The following WDR27 variants were observed in gnomAD, a reference collection of about 807,000 sequenced individuals.
The protein encoded by WDR27 is WD repeat domain 27, also known as WD repeat-containing protein 27.
In WDR27, 100 loss-of-function variants were observed where a neutral mutation model predicts 114.4. The observed-to-expected ratio is 0.87, with a 90% CI of 0.74 to 1.03. WDR27 has a LOEUF of 1.03. Ranked by LOEUF, WDR27 falls within the 50% of genes least tolerant of loss-of-function variation. The pLI is 0.00. For synonymous variants in WDR27, 449 were observed against 423.1 expected (o/e 1.06, Z -0.75); for missense variants, 1,129 against 1,092.9 (o/e 1.03, Z -0.47).
chr6:169,700,782 C>A (rs955128442), intron 1 of WDR27, among the ~76,000 whole-genome samples: 15 of 152,138 alleles, frequency 9.9e-5, no homozygotes, highest in South Asian at 2.1e-4. Flanking sequence ...AAAAGCAATA[C>A]AATACAAAAC....
chr6:169,439,481 T>A, the WDR27 span, among the ~76,000 whole-genome samples: 1 of 152,158 alleles, frequency 6.6e-6, no homozygotes, highest in African/African-American at 2.4e-5. Context: ...AGTACAGATG[T>A]CTAGTAACTT....
At chr6:169,655,569 T>C (rs1412516113) in intron 13 of WDR27, among the ~76,000 whole-genome samples, 1 of 152,066 alleles carries the variant, frequency 6.6e-6, no homozygotes, top group Non-Finnish European at 1.5e-5. Context: ...GAAAGAATAT[T>C]ACTCTACATA....
At chr6:169,455,084 C>T (rs74480966), downstream of WDR27, among the ~76,000 whole-genome samples, 206 of 152,338 alleles carry the variant, frequency 1.4e-3, 3 homozygotes, top group East Asian at 0.032. Flanking sequence ...TGAGCCCTCC[C>T]GGACACCCTG....
chr6:169,618,397 G>A (rs1378279031), intron 21 of WDR27, among the ~76,000 whole-genome samples: 4 of 151,946 alleles, frequency 2.6e-5, no homozygotes, highest in African/African-American at 9.7e-5. Flanking sequence ...GGACTTTAAG[G>A]ATATCAATAA....
At chr6:169,543,740 C>T (rs893250975) in intron 25 of WDR27, among the ~76,000 whole-genome samples, 1 of 151,996 alleles carries the variant, frequency 6.6e-6, no homozygotes, top group African/African-American at 2.4e-5. Flanking sequence ...AATACTACTT[C>T]AAAACATGAT....
chr6:169,516,784 C>T (rs1315979144), intron 25 of WDR27, among the ~76,000 whole-genome samples: 4 of 141,708 alleles, frequency 2.8e-5, no homozygotes, highest in African/African-American at 8.2e-5. Context: ...TAAAGGCATG[C>T]TCCAACACAC....
chr6:169,627,633 C>T (rs748310642), intron 21 of WDR27, among the ~76,000 whole-genome samples: 6 of 152,160 alleles, frequency 3.9e-5, no homozygotes, highest in African/African-American at 7.2e-5. Flanking sequence ...GTGCTGTGCA[C>T]GGGGAGCCTC....
rs10718481 is a variant in WDR27 at position 169,529,312 on chromosome 6, C to CGGGGG, written c.2645+43102_2645+43106dup. Among the ~76,000 whole-genome samples the CGGGGG allele has an allele frequency of 9.5e-5, 11 of 115,246 alleles. No homozygotes were observed. In the East Asian group the frequency reaches 2.9e-3, roughly 30 times the overall value. 75.6% of individuals were successfully genotyped at this position (115,246 alleles called of 152,430 possible). On this transcript the variant is annotated intron_variant, in intron 25 of 25. Transcript: ENST00000448612. ...AGCACGTTAACGGTGGTGACCTCTG[C>CGGGGG]GGGGGGGGGGGGCAGCTAATGCTAA... is the stretch of plus-strand genomic sequence containing the variant.
At chr6:169,658,236 C>A in intron 13 of WDR27, 40 bp downstream of exon 13, 1 of 1,509,992 alleles carries the variant, frequency 6.6e-7, no homozygotes, top group South Asian at 1.2e-5. Context: ...GAGAACGCAT[C>A]AGCCTTGTAT....
At chr6:169,639,603 G>C (rs1364965866) in intron 17 of WDR27, among the ~76,000 whole-genome samples, 1 of 152,180 alleles carries the variant, frequency 6.6e-6, no homozygotes, top group Non-Finnish European at 1.5e-5. Context: ...CTGGTCTTCA[G>C]GTGTCTGAAT....
chr6:169,594,900 G>T (rs1161287584), intron 23 of WDR27, among the ~76,000 whole-genome samples: 7 of 152,134 alleles, frequency 4.6e-5, no homozygotes, highest in Admixed American at 4.6e-4. Flanking sequence ...TATGAGCCAG[G>T]CATGGTGGCT....
intron 17 of WDR27, 129 bp from the exon 18 acceptor site, chr6:169,638,789 G>A: frequency 8.5e-7 from 1 of 1,170,380 alleles, no homozygotes; most frequent in Non-Finnish European, 1.2e-6. Flanking sequence ...GGGCGCGCCA[G>A]GAGGCTTCTC....
At chr6:169,588,984 T>C (rs993304743) in intron 23 of WDR27, among the ~76,000 whole-genome samples, 9 of 152,246 alleles carry the variant, frequency 5.9e-5, no homozygotes, top group African/African-American at 2.2e-4. Flanking sequence ...AAGGTTTTGC[T>C]ATTTATTTCA....
At chr6:169,700,670 A>C (rs1167754897) in intron 1 of WDR27, among the ~76,000 whole-genome samples, 2 of 152,240 alleles carry the variant, frequency 1.3e-5, no homozygotes, top group Non-Finnish European at 2.9e-5. Flanking sequence ...GCTACACAGG[A>C]CTGTGTGAGC....
Position 169,618,176 on chromosome 6 carries a change from C to T in WDR27, c.2224-4520G>A, listed in dbSNP as rs183439719. On this transcript the variant is annotated intron_variant, in intron 21 of 25. Coordinates refer to ENST00000448612, the MANE Select transcript of WDR27 (RefSeq NM_182552.5). ...ATCTAAAACTAATAAAGCAAAATAA[C>T]ATAAGTGACTATTCCTGAAATCTAG... is the stretch of plus-strand genomic sequence containing the variant. Among the ~76,000 whole-genome samples the T allele has an allele frequency of 9.2e-5, 14 of 152,198 alleles. No individual in the cohort carries two copies. The East Asian group carries it at 2.3e-3, about 25-fold the overall frequency.
chr6:169,656,876 A>C (rs1824352872), intron 13 of WDR27, among the ~76,000 whole-genome samples: 1 of 115,498 alleles, frequency 8.7e-6, no homozygotes, highest in Admixed American at 8.4e-5. Flanking sequence ...TCCATGACTT[A>C]ATGAGGAGGA....
At chr6:169,647,953 G>T in intron 15 of WDR27, 83 bp from the exon 16 acceptor site, 1 of 951,444 alleles carries the variant, frequency 1.1e-6, no homozygotes, top group Non-Finnish European at 1.6e-6. Flanking sequence ...AACGAAGTGG[G>T]CTTCCCCCCA....
At chr6:169,446,530 AG>A in the WDR27 span, among the ~76,000 whole-genome samples, 1 of 152,228 alleles carries the variant, frequency 6.6e-6, no homozygotes, top group South Asian at 2.1e-4. Context: ...GGCAAACCAC[AG>A]GATTTGGGAG....
chr6:169,501,686 G>C (rs893585395), intron 25 of WDR27, among the ~76,000 whole-genome samples: 1 of 144,336 alleles, frequency 6.9e-6, no homozygotes, highest in African/African-American at 2.6e-5. Context: ...CTGGGGTCTT[G>C]GTTGACTCCT....
Sources: gnomAD v4.1 joint callset for allele counts (sites outside exome capture counted in the v4.1 genomes callset) on GRCh38, gnomAD v4.1.1 for gene constraint, MANE v1.5 for transcripts, NCBI Gene and HGNC (gene_info 2026-07-23, HGNC 2026-07-21) for gene names.